TTC7B: variants seen among roughly 807,000 people sequenced by gnomAD.
The protein encoded by TTC7B is tetratricopeptide repeat domain 7B, also known as tetratricopeptide repeat protein 7B.
TTC7B carries 28 observed loss-of-function variants against 106.8 expected under a neutral mutation model. The ratio of observed to expected loss-of-function variants is 0.26; its 90% CI spans 0.19 to 0.36. The LOEUF is 0.36. TTC7B is among the 10% of genes least tolerant of loss of function. The pLI is 1.00. For synonymous variants in TTC7B, 405 were observed against 430.6 expected (o/e 0.94, Z 0.74); for missense variants, 862 against 1,076.4 (o/e 0.80, Z 2.79).
chr14:90,701,750 G>C (rs902902101), intron 5 of TTC7B, among the ~76,000 whole-genome samples: 3 of 148,092 alleles, frequency 2.0e-5, no homozygotes, highest in Non-Finnish European at 3.0e-5. Context: ...ATATATATCT[G>C]TGTGTGTGTG....
At position 90,807,862 on chromosome 14, in the gene TTC7B, C is replaced by T. The variant is rs1042093837; in HGVS notation, c.121+8313G>A. Among the ~76,000 whole-genome samples the T allele has an allele frequency of 2.0e-5, 3 of 152,226 alleles. No homozygotes were observed. The highest frequency in any genetic ancestry group is 4.4e-5 in the Non-Finnish European group (3 of 68,038). ...CTGGGAGCTTAAGAATGCAGAACCC[C>T]AGCTCCACCCTAGACCTACTATATC... On this transcript the variant is annotated intron_variant, in intron 1 of 19. Coordinates refer to ENST00000328459, the MANE Select transcript of TTC7B (RefSeq NM_001010854.2). The surrounding 1 kb of genome is among the most constrained non-coding windows in gnomAD (Gnocchi z 4.1).
intron 5 of TTC7B, 116 bp downstream of exon 5, chr14:90,729,959 A>G: frequency 8.7e-7 from 1 of 1,146,932 alleles, no homozygotes; most frequent in Admixed American, 2.6e-5. Context: ...AAAAAGTTCC[A>G]ATGGTAGTTC....
chr14:90,727,549 C>A (rs961085064), intron 5 of TTC7B, among the ~76,000 whole-genome samples: 1 of 152,246 alleles, frequency 6.6e-6, no homozygotes, highest in African/African-American at 2.4e-5. Flanking sequence ...GGCTTAGGAA[C>A]TGGTCCTGGC....
intron 5 of TTC7B, among the ~76,000 whole-genome samples, chr14:90,716,651 AG>A (rs1178348520): frequency 6.6e-6 from 1 of 152,236 alleles, no homozygotes; most frequent in Non-Finnish European, 1.5e-5. Flanking sequence ...ACTTGAAAGC[AG>A]TATAATTGCA....
intron 5 of TTC7B, among the ~76,000 whole-genome samples, chr14:90,701,748 C>CTG (rs1257691038): frequency 2.7e-5 from 4 of 145,566 alleles, no homozygotes; most frequent in South Asian, 4.4e-4. Context: ...CCATATATAT[C>CTG]TGTGTGTGTG....
intron 3 of TTC7B, among the ~76,000 whole-genome samples, chr14:90,755,078 G>A (rs929472905): frequency 1.2e-4 from 18 of 151,968 alleles, no homozygotes; most frequent in Admixed American, 4.6e-4. Context: ...TCCATTATAC[G>A]GATACACCAC....
intron 19 of TTC7B, among the ~76,000 whole-genome samples, chr14:90,566,768 G>T (rs1188959185): frequency 6.6e-6 from 1 of 152,194 alleles, no homozygotes. Context: ...CCCTGGCAGA[G>T]GCTCCCCTTT....
chr14:90,554,951 C>T lies in TTC7B; in HGVS notation c.2311-13362G>A, dbSNP rs75482386. On this transcript the variant is annotated intron_variant, in intron 19 of 19. Transcript: ENST00000328459. Reference sequence around the variant, plus strand: ...TCACATCTGAATGATGTGGCGCAGGCTCCTAGCTCTCGGCAGCCCTGCCTG... The same window carrying T: ...TCACATCTGAATGATGTGGCGCAGGTTCCTAGCTCTCGGCAGCCCTGCCTG... 5.7e-3 allele frequency among the ~76,000 whole-genome samples: 874 copies of T among 152,264 alleles called. 12 individuals are homozygous for T. The highest frequency in any genetic ancestry group is 0.019 in the African/African-American group (803 of 41,548).
At chr14:90,813,382 T>C (rs2031006891) in intron 1 of TTC7B, among the ~76,000 whole-genome samples, 1 of 152,224 alleles carries the variant, frequency 6.6e-6, no homozygotes. Flanking sequence ...TTTTGCCATT[T>C]TTGTCTGTTT....
chr14:90,630,875 C>T (rs1234145686), intron 15 of TTC7B, among the ~76,000 whole-genome samples: 1 of 148,576 alleles, frequency 6.7e-6, no homozygotes, highest in East Asian at 1.9e-4. Context: ...CACTCTATTG[C>T]CCAGGCTGGA....
intron 17 of TTC7B, chr14:90,605,679 A>C (rs1892608654): frequency 1.6e-6 from 2 of 1,289,164 alleles, no homozygotes; most frequent in African/African-American, 3.0e-5. Context: ...GTTTGGGAGA[A>C]TGAAGATGAG....
In TTC7B at chr14:90,531,313, G is replaced by C. The variant is rs1595136836; in HGVS notation, c.*10055C>G. ...CAGCTGGGCACAGTGGCTCACGCCT[G>C]TAATCCCAGCACTTTGGGAGGCTGA... On this transcript the variant is annotated 3_prime_UTR_variant, in exon 20 of 20. Coordinates refer to ENST00000328459, the MANE Select transcript of TTC7B (RefSeq NM_001010854.2). 1 of 152,164 alleles carries C rather than the reference G, an allele frequency of 6.6e-6. No individual in the cohort carries two copies. Among genetic ancestry groups the C allele is most frequent in the Non-Finnish European group, 1.5e-5 (1 of 68,068 alleles). 9.4% of individuals were successfully genotyped at this position (152,164 alleles called of 1,614,324 possible). A position where few individuals can be genotyped will look rare whatever the true frequency, so the allele number is the denominator to read the frequency against.
intron 15 of TTC7B, among the ~76,000 whole-genome samples, chr14:90,633,952 G>A (rs770247422): frequency 1.3e-4 from 20 of 151,652 alleles, no homozygotes; most frequent in Non-Finnish European, 2.6e-4. Context: ...TCAGCTCATT[G>A]CAACCTCCGC....
intron 18 of TTC7B, among the ~76,000 whole-genome samples, chr14:90,581,642 C>T (rs533300691): frequency 2.6e-4 from 40 of 152,264 alleles, no homozygotes; most frequent in South Asian, 8.3e-4. Flanking sequence ...CTGGTGAGGC[C>T]GCCCAGCCTC....
At chr14:90,721,956 GCTCT>G (rs1028356153) in intron 5 of TTC7B, among the ~76,000 whole-genome samples, 2 of 152,230 alleles carry the variant, frequency 1.3e-5, no homozygotes, top group African/African-American at 4.8e-5. Context: ...GGAAACAAAT[GCTCT>G]CTAACAGCTG....
chr14:90,595,384 T>C (rs1269908655), intron 17 of TTC7B, among the ~76,000 whole-genome samples: 2 of 152,216 alleles, frequency 1.3e-5, no homozygotes, highest in East Asian at 3.9e-4. Flanking sequence ...AGAGTCTAAT[T>C]GATGGTATAT....
chr14:90,536,482 G>C lies in TTC7B; in HGVS notation c.*4886C>G, dbSNP rs1889422535. The C allele has an allele frequency of 6.6e-6, 1 of 152,470 alleles. No individual in the cohort carries two copies. 9.4% of individuals were successfully genotyped at this position (152,470 alleles called of 1,614,324 possible). On this transcript the variant is annotated 3_prime_UTR_variant, in exon 20 of 20. Coordinates refer to ENST00000328459, the MANE Select transcript of TTC7B (RefSeq NM_001010854.2). ...TTTGTATTCAACCTGCCTGAAAGCA[G>C]ACTCCTGCCTTCTCCTCTCCTCCCC...
chr14:90,697,126 G>A (rs1049712438), intron 5 of TTC7B, among the ~76,000 whole-genome samples: 4 of 152,322 alleles, frequency 2.6e-5, no homozygotes, highest in African/African-American at 9.6e-5. Flanking sequence ...TGTGACTGAG[G>A]CAACATAAGT....
intron 4 of TTC7B, among the ~76,000 whole-genome samples, chr14:90,736,181 C>G (rs1889517478): frequency 6.6e-6 from 1 of 150,846 alleles, no homozygotes; most frequent in African/African-American, 2.5e-5. Flanking sequence ...ACAATGAACC[C>G]CAACTACATT....
Sources: allele counts gnomAD v4.1 joint callset (sites outside exome capture counted in the v4.1 genomes callset), GRCh38; gene constraint gnomAD v4.1.1; non-coding constraint Gnocchi (gnomAD v3.1); transcripts MANE v1.5; gene names NCBI Gene and HGNC (gene_info 2026-07-23, HGNC 2026-07-21).